The following EPB41L4B variants were observed in gnomAD, a reference collection of about 807,000 sequenced individuals.
The protein encoded by EPB41L4B is erythrocyte membrane protein band 4.1 like 4B, also known as band 4.1-like protein 4B.
Under a neutral mutation model 112.5 loss-of-function variants are expected in EPB41L4B, and 30 were observed. The ratio of observed to expected loss-of-function variants is 0.27; its 90% CI spans 0.20 to 0.36. The LOEUF (loss-of-function observed/expected upper bound fraction) is 0.36, where lower values mean the gene tolerates loss of function less well. Among genes scored for constraint, EPB41L4B ranks in the 10% least tolerant of loss-of-function variants. EPB41L4B has a pLI of 1.00. For missense variants in EPB41L4B, 1,024 were observed against 1,133.3 expected, an observed-to-expected ratio of 0.90 and a Z score of 1.38; for synonymous variants, 408 against 439.7, an observed-to-expected ratio of 0.93 and a Z score of 0.90.
chr9:109,271,040 C>T (rs757222142), intron 2 of EPB41L4B, among the ~76,000 whole-genome samples: 3 of 152,210 alleles, frequency 2.0e-5, no homozygotes, highest in East Asian at 1.9e-4. Context: ...AACCCCTTCT[C>T]GAAATTGCTG....
intron 3 of EPB41L4B, 130 bp from the exon 4 acceptor site, chr9:109,267,681 C>T (rs150191970): frequency 4.6e-5 from 28 of 604,898 alleles, no homozygotes; most frequent in African/African-American, 1.1e-4. Context: ...ACTGGGCACG[C>T]GACACTAGCC....
At chr9:109,259,294 C>T (rs141994057) in intron 6 of EPB41L4B, among the ~76,000 whole-genome samples, 2 of 152,310 alleles carry the variant, frequency 1.3e-5, no homozygotes, top group East Asian at 1.9e-4. Context: ...TTTGGGTGCG[C>T]ATCAGAATCA....
At chr9:109,204,593 T>C (rs989302518) in intron 18 of EPB41L4B, among the ~76,000 whole-genome samples, 1 of 152,202 alleles carries the variant, frequency 6.6e-6, no homozygotes, top group African/African-American at 2.4e-5. Context: ...CTGGGCTCAA[T>C]CAATCCTCCT....
chr9:109,275,772 A>C (rs530024913), intron 2 of EPB41L4B, among the ~76,000 whole-genome samples: 1 of 152,310 alleles, frequency 6.6e-6, no homozygotes, highest in South Asian at 2.1e-4. Flanking sequence ...GTGTACTAGA[A>C]AGAGCACATA....
intron 17 of EPB41L4B, among the ~76,000 whole-genome samples, chr9:109,211,524 G>A (rs1833170750): frequency 6.7e-6 from 1 of 150,220 alleles, no homozygotes; most frequent in African/African-American, 2.5e-5. Flanking sequence ...GAACCCGGGA[G>A]GTGGAGGTTG....
At chr9:109,226,669 AT>A (rs1833777008) in intron 15 of EPB41L4B, among the ~76,000 whole-genome samples, 1 of 31,884 alleles carries the variant, frequency 3.1e-5, no homozygotes, top group East Asian at 1.1e-3. Context: ...TATATGAAGA[AT>A]ATATATATAT....
intron 15 of EPB41L4B, among the ~76,000 whole-genome samples, chr9:109,225,512 T>A (rs993595119): frequency 6.6e-6 from 1 of 152,188 alleles, no homozygotes; most frequent in African/African-American, 2.4e-5. Context: ...GAAACTCTTA[T>A]AAAACCATCG....
intron 19 of EPB41L4B, among the ~76,000 whole-genome samples, chr9:109,202,373 G>A (rs1259346629): frequency 6.6e-6 from 1 of 152,158 alleles, no homozygotes; most frequent in African/African-American, 2.4e-5. Context: ...CAGAGCAGTG[G>A]TTCTAGATCA....
chr9:109,287,232 G>C (rs1410210674), intron 1 of EPB41L4B, among the ~76,000 whole-genome samples: 1 of 152,192 alleles, frequency 6.6e-6, no homozygotes, highest in Non-Finnish European at 1.5e-5. Context: ...GTTCCTAGCT[G>C]TGCTCCTGAT....
chr9:109,310,732 G>T lies in EPB41L4B; in HGVS notation c.306+9409C>A, dbSNP rs144685942. On this transcript the variant is annotated intron_variant, in intron 1 of 25. Transcript: ENST00000374566. ...GCTGGGGACATCCAAGTCTCTGGTGGCAGTGCCACAAGTGAATGGGTAGGA... is the reference window on the plus strand; with the variant it reads ...GCTGGGGACATCCAAGTCTCTGGTGTCAGTGCCACAAGTGAATGGGTAGGA... Among the ~76,000 whole-genome samples the T allele has an allele frequency of 3.0e-3, 452 of 152,324 alleles. 5 individuals carry two copies. Among genetic ancestry groups the T allele is most frequent in the African/African-American group, 0.01 (420 of 41,578 alleles).
At chr9:109,276,028 A>C (rs536564890) in intron 2 of EPB41L4B, among the ~76,000 whole-genome samples, 1 of 143,218 alleles carries the variant, frequency 7.0e-6, no homozygotes, top group African/African-American at 2.5e-5. Flanking sequence ...TCTAAATTTA[A>C]AGTTTTATAT....
chr9:109,265,152 TC>T, intron 4 of EPB41L4B, 128 bp from the exon 5 acceptor site: 1 of 707,040 alleles, frequency 1.4e-6, no homozygotes, highest in South Asian at 2.1e-5. Context: ...GGAGTCCAAA[TC>T]AAATGAGAAC....
In EPB41L4B at chr9:109,247,808, A is replaced by G; in HGVS notation, c.1311-19T>C. 6.8e-7 allele frequency: 1 copy of G among 1,476,522 alleles called. No homozygotes were observed. The highest frequency in any genetic ancestry group is 2.5e-5 in the East Asian group (1 of 40,160). 91.5% of individuals were successfully genotyped at this position (1,476,522 alleles called of 1,614,324 possible). ...TTTAGAGCTAAACAAACAAACAAAC[A>G]AAAAACAGAAAAAAAAAGAAAAATA... On this transcript the variant is annotated intron_variant, in intron 13 of 25. Transcript: ENST00000374566.
intron 1 of EPB41L4B, among the ~76,000 whole-genome samples, chr9:109,293,017 C>A (rs1338749379): frequency 6.6e-6 from 1 of 152,196 alleles, no homozygotes; most frequent in Non-Finnish European, 1.5e-5. Context: ...ATTTTGGACA[C>A]TCCACACGAG....
At chr9:109,290,779 CA>C (rs1465318120) in intron 1 of EPB41L4B, among the ~76,000 whole-genome samples, 144 of 151,514 alleles carry the variant, frequency 9.5e-4, no homozygotes, top group African/African-American at 2.9e-3. Flanking sequence ...CACACACACA[CA>C]CACCCCCCAC....
At chr9:109,296,216 A>G (rs1305557111) in intron 1 of EPB41L4B, among the ~76,000 whole-genome samples, 1 of 152,230 alleles carries the variant, frequency 6.6e-6, no homozygotes, top group Non-Finnish European at 1.5e-5. Flanking sequence ...ATGTGAGAAC[A>G]TTTGAAAAGT....
chr9:109,312,859 C>A (rs138642278), intron 1 of EPB41L4B, among the ~76,000 whole-genome samples: 4 of 152,136 alleles, frequency 2.6e-5, no homozygotes, highest in African/African-American at 7.2e-5. Context: ...ATCTTCCACG[C>A]GTTTCCACCT....
At chr9:109,264,058 G>A (rs7469484) in intron 5 of EPB41L4B, among the ~76,000 whole-genome samples, 32 of 150,288 alleles carry the variant, frequency 2.1e-4, no homozygotes, top group African/African-American at 7.7e-4. Context: ...AGAGAGAGAG[G>A]GAGAGAGGAT....
intron 15 of EPB41L4B, among the ~76,000 whole-genome samples, chr9:109,236,085 A>T (rs1193751392): frequency 6.6e-6 from 1 of 152,104 alleles, no homozygotes; most frequent in African/African-American, 2.4e-5. Context: ...TTGCCATTTT[A>T]CTTCTGCAAA....
Sources: allele counts gnomAD v4.1 joint callset (sites outside exome capture counted in the v4.1 genomes callset), GRCh38; gene constraint gnomAD v4.1.1; transcripts MANE v1.5; gene names NCBI Gene and HGNC (gene_info 2026-07-23, HGNC 2026-07-21).